Variants in TTC8 observed in about 807,000 individuals in gnomAD.
The protein encoded by TTC8 is tetratricopeptide repeat domain 8.
In TTC8, 47 loss-of-function variants were observed where a neutral mutation model predicts 72.5. That is an observed-to-expected ratio of 0.65 (90% CI 0.51 to 0.83). TTC8 has a LOEUF of 0.83. Ranked by LOEUF, TTC8 falls within the 40% of genes least tolerant of loss-of-function variation. TTC8 has a pLI of 0.00. For missense variants in TTC8, 611 were observed against 623.2 expected, an observed-to-expected ratio of 0.98 and a Z score of 0.21; for synonymous variants, 199 against 221.4, an observed-to-expected ratio of 0.90 and a Z score of 0.90.
At chr14:88,854,447 A>G (rs994788889) in intron 8 of TTC8, among the ~76,000 whole-genome samples, 2 of 152,240 alleles carry the variant, frequency 1.3e-5, no homozygotes, top group Admixed American at 6.5e-5. Flanking sequence ...ACAAAAGATT[A>G]GATTGTCCGT....
intron 7 of TTC8, chr14:88,846,475 A>G (rs1224696772): frequency 5.6e-6 from 3 of 539,636 alleles, no homozygotes; most frequent in Non-Finnish European, 9.8e-6. Flanking sequence ...TTTAAGGAAC[A>G]GTAAGAAGGC....
At chr14:88,858,374 T>G (rs1234676365) in intron 9 of TTC8, among the ~76,000 whole-genome samples, 1 of 152,162 alleles carries the variant, frequency 6.6e-6, no homozygotes, top group African/African-American at 2.4e-5. Flanking sequence ...TTAGAGTTTC[T>G]TAAATTAAAA....
chr14:88,845,802 C>G (rs1566840577), intron 7 of TTC8, among the ~76,000 whole-genome samples: 1 of 152,054 alleles, frequency 6.6e-6, no homozygotes, highest in Non-Finnish European at 1.5e-5. Context: ...AGTTCCAGCC[C>G]TGAGATCACA....
chr14:88,851,057 A>G (rs750368578), intron 7 of TTC8, among the ~76,000 whole-genome samples: 1 of 152,194 alleles, frequency 6.6e-6, no homozygotes, highest in African/African-American at 2.4e-5. Context: ...TAAAGACTTG[A>G]AGTCAGTACA....
chr14:88,852,932 G>C, intron 7 of TTC8, 39 bp from the exon 8 acceptor site: 1 of 1,546,594 alleles, frequency 6.5e-7, no homozygotes, highest in Non-Finnish European at 8.9e-7. Context: ...CTTATTGTTA[G>C]AAAAGAAAAT....
At chr14:88,878,511 T>C (rs373754761), downstream of TTC8, 2 of 152,224 alleles carry the variant, frequency 1.3e-5, no homozygotes, top group Admixed American at 6.5e-5. Flanking sequence ...CAAGGAATGA[T>C]AGCTTGCTCA....
intron 7 of TTC8, among the ~76,000 whole-genome samples, chr14:88,849,168 A>G (rs1352250516): frequency 4.6e-5 from 7 of 152,106 alleles, no homozygotes; most frequent in Non-Finnish European, 4.4e-5. Flanking sequence ...GGTTGTATAT[A>G]TTGGTACTTT....
chr14:88,870,059 G>A lies in TTC8; in HGVS notation c.910G>A (p.Glu304Lys). 2 of 1,613,800 alleles carry A rather than the reference G, an allele frequency of 1.2e-6. No homozygotes were observed. Among genetic ancestry groups the A allele is most frequent in the Non-Finnish European group, 1.7e-6 (2 of 1,179,890 alleles). ...LLCGIARIYE[E>K]MNNMSSAAEY... Reference sequence around the variant, plus strand: ...GCTCTTCTCTCTTGATGGAGAATAGGAAATGAACAATATGTCATCAGCAGC... The same window carrying A: ...GCTCTTCTCTCTTGATGGAGAATAGAAAATGAACAATATGTCATCAGCAGC... Residue 304 changes from glutamate (E) to lysine (K), a missense_variant and splice_region_variant, in exon 11 of 15, where the codon GAA (glutamate) becomes AAA (lysine). By Grantham distance (56) the Glu-to-Lys change is moderately conservative. Coordinates refer to ENST00000380656, the MANE Select transcript of TTC8 (RefSeq NM_144596.4).
Position 88,877,364 on chromosome 14 carries a change from C to G in TTC8, c.1502C>G (p.Thr501Arg). ...GCAGCATTTCCAGACCATGTGGACA[C>G]ACAACATTTAATTAAACAATTAAGG... ...SEAAFPDHVD[T>R]QHLIKQLRQH... The change falls in exon 15 of 15, where the codon ACA becomes AGA. Residue 501 changes from threonine to arginine, a missense_variant. Coordinates refer to ENST00000380656, the MANE Select transcript of TTC8 (RefSeq NM_144596.4). 6.2e-7 allele frequency: 1 copy of G among 1,613,788 alleles called. No individual in the cohort carries two copies. Among genetic ancestry groups the G allele is most frequent in the Non-Finnish European group, 8.5e-7 (1 of 1,179,794 alleles).
At position 88,877,611 on chromosome 14, in the gene TTC8, A is replaced by G. The variant is rs911168929; in HGVS notation, c.*201A>G. 2.1e-6 allele frequency: 1 copy of G among 466,108 alleles called. No homozygotes were observed. Among genetic ancestry groups the G allele is most frequent in the African/African-American group, 2.0e-5 (1 of 51,030 alleles). 28.9% of individuals were successfully genotyped at this position (466,108 alleles called of 1,614,324 possible). On this transcript the variant is annotated 3_prime_UTR_variant, in exon 15 of 15. Transcript: ENST00000380656. ...AATAGTAACTTTATAAAATAATATT[A>G]TAAAATACAGGATTTAAACCTTTCT...
chr14:88,845,624 A>T (rs1338263941), intron 7 of TTC8, among the ~76,000 whole-genome samples: 1 of 152,252 alleles, frequency 6.6e-6, no homozygotes, highest in African/African-American at 2.4e-5. Context: ...ATGATGATAT[A>T]TAAAATTATA....
intron 1 of TTC8, among the ~76,000 whole-genome samples, chr14:88,829,648 G>A (rs2094717278): frequency 6.6e-6 from 1 of 152,182 alleles, no homozygotes; most frequent in South Asian, 2.1e-4. Context: ...GTATCAGAAT[G>A]GGAGAAAGAC....
At chr14:88,859,235 T>A (rs2141011362) in intron 9 of TTC8, among the ~76,000 whole-genome samples, 1 of 152,234 alleles carries the variant, frequency 6.6e-6, no homozygotes. Flanking sequence ...ATTGCAGCAC[T>A]ATTCACAATA....
At chr14:88,873,100 T>G (rs182233489) in intron 13 of TTC8, among the ~76,000 whole-genome samples, 1 of 152,190 alleles carries the variant, frequency 6.6e-6, no homozygotes, top group Admixed American at 6.5e-5. Flanking sequence ...CTCCTTCAAC[T>G]TGGAATAAAA....
chr14:88,863,940 C>T (rs78101472), intron 10 of TTC8, among the ~76,000 whole-genome samples: 166 of 152,236 alleles, frequency 1.1e-3, no homozygotes, highest in African/African-American at 3.8e-3. Flanking sequence ...TTCATCTCTT[C>T]CTTTCAATTA....
chr14:88,844,634 T>TC (rs1471993810), intron 7 of TTC8, among the ~76,000 whole-genome samples: 2 of 152,080 alleles, frequency 1.3e-5, no homozygotes, highest in African/African-American at 4.8e-5. Context: ...AGCCTTGACT[T>TC]CCCAGGCTCA....
intron 8 of TTC8, among the ~76,000 whole-genome samples, chr14:88,854,620 G>T (rs549000510): frequency 6.6e-6 from 1 of 152,290 alleles, no homozygotes; most frequent in Non-Finnish European, 1.5e-5. Context: ...GTTTAAAGAT[G>T]AAATTCATAT....
intron 9 of TTC8, among the ~76,000 whole-genome samples, chr14:88,860,692 T>C (rs560387278): frequency 6.6e-6 from 1 of 152,342 alleles, no homozygotes; most frequent in South Asian, 2.1e-4. Context: ...AAACTCACAG[T>C]AAGCATTTGT....
At position 88,871,676 on chromosome 14, in the gene TTC8, G is replaced by A. The variant is rs2141036888; in HGVS notation, c.1177G>A (p.Glu393Lys). 6.2e-7 allele frequency: 1 copy of A among 1,614,144 alleles called. No individual in the cohort carries two copies. Among genetic ancestry groups the A allele is most frequent in the Non-Finnish European group, 8.5e-7 (1 of 1,180,006 alleles). Residue 393 changes from glutamate to lysine, a missense_variant, in exon 12 of 15, where the codon GAA (glutamate) becomes AAA (lysine). Physicochemically the swap from Glu to Lys is moderately conservative, Grantham distance 56 (BLOSUM62 1). Coordinates refer to ENST00000380656, the MANE Select transcript of TTC8 (RefSeq NM_144596.4). The surrounding 1 kb of genome is among the most constrained non-coding windows in gnomAD (Gnocchi z 4.1). ...FERALSLAENEEEAADVWYNL... is the reference protein window; with the variant it reads ...FERALSLAENKEEAADVWYNL... ...ACGTGCCCTTTCTTTGGCTGAAAAT[G>A]AAGAAGAGGCAGCTGATGTCTGGTA... is the stretch of plus-strand genomic sequence containing the variant.
Sources: allele counts gnomAD v4.1 joint callset (sites outside exome capture counted in the v4.1 genomes callset), GRCh38; gene constraint gnomAD v4.1.1; non-coding constraint Gnocchi (gnomAD v3.1); transcripts MANE v1.5; gene names NCBI Gene and HGNC (gene_info 2026-07-23, HGNC 2026-07-21).